PMF1: variants seen among roughly 807,000 people sequenced by gnomAD.
PMF1 encodes the protein polyamine modulated factor 1, also known as polyamine-modulated factor 1.
In PMF1, 21 loss-of-function variants were observed where a neutral mutation model predicts 26.7. The ratio of observed to expected loss-of-function variants is 0.79; its 90% CI spans 0.56 to 1.13. PMF1 has a LOEUF of 1.13. PMF1 is among the 50% of genes most tolerant of loss of function. PMF1 has a pLI of 0.00. For synonymous variants in PMF1, 105 were observed against 101.0 expected, an observed-to-expected ratio of 1.04 and a Z score of -0.24; for missense variants, 266 against 254.9, an observed-to-expected ratio of 1.04 and a Z score of -0.30.
At chr1:156,228,685 G>C (rs1386551868) in intron 1 of PMF1, among the ~76,000 whole-genome samples, 1 of 152,014 alleles carries the variant, frequency 6.6e-6, no homozygotes, top group Non-Finnish European at 1.5e-5. Context: ...GAGTAGGCTG[G>C]GTGGAGGAAC....
rs142724511 is a variant in PMF1, at chr1:156,236,414, C to T, written c.495C>T (p.Ala165=). The change falls in exon 4 of 5, where the codon GCC becomes GCT. Residue 165 remains alanine (A), a synonymous_variant. Coordinates refer to ENST00000368277, the MANE Select transcript of PMF1 (RefSeq NM_007221.4). ...CCGAGAACCAGCAGCTGGCAGATGC[C>T]GTCCTGGCAGGGCGGAGGCAGGTGG... The part of the protein sequence containing the change: ...QEAENQQLAD[A]VLAGRRQVEE... The T allele has an allele frequency of 2.7e-4, 434 of 1,614,190 alleles. No individual in the cohort carries two copies. The highest frequency in any genetic ancestry group is 1.8e-3 in the East Asian group (83 of 44,886).
At chr1:156,228,361 A>G (rs1013468324) in intron 1 of PMF1, among the ~76,000 whole-genome samples, 1 of 145,002 alleles carries the variant, frequency 6.9e-6, no homozygotes, top group African/African-American at 2.6e-5. Flanking sequence ...AACATTCCCA[A>G]TTCTGCATTG....
In PMF1 at chr1:156,239,660, T is replaced by C. The variant is rs568390767; in HGVS notation, c.*59T>C. On this transcript the variant is annotated 3_prime_UTR_variant, in exon 5 of 5. Coordinates refer to ENST00000368277, the MANE Select transcript of PMF1 (RefSeq NM_007221.4). ...AAGGTCAAGAGCCTGTGGTCCAGCATGCCTGGCCTGGGCGGGCTACCTCTG... is the reference window on the plus strand; with the variant it reads ...AAGGTCAAGAGCCTGTGGTCCAGCACGCCTGGCCTGGGCGGGCTACCTCTG... The C allele has an allele frequency of 2.1e-6, 3 of 1,443,994 alleles. No homozygotes were observed. Among genetic ancestry groups the C allele is most frequent in the East Asian group, 4.5e-5 (2 of 44,062 alleles). 89.4% of individuals were successfully genotyped at this position (1,443,994 alleles called of 1,614,324 possible). A position where few individuals can be genotyped will look rare whatever the true frequency, so the allele number is the denominator to read the frequency against.
chr1:156,233,968 C>T (rs533623983), intron 3 of PMF1, among the ~76,000 whole-genome samples: 2 of 152,118 alleles, frequency 1.3e-5, no homozygotes, highest in Admixed American at 6.5e-5. Flanking sequence ...GGAGTGGTGA[C>T]TCATGCCTGT....
At chr1:156,224,074 C>T (rs192884252) in intron 1 of PMF1, 149 of 152,206 alleles carry the variant, frequency 9.8e-4, no homozygotes, top group African/African-American at 3.4e-3. Flanking sequence ...TGAAGTTTTC[C>T]CAGCAGTTTT....
At chr1:156,216,070 G>A (rs1657680225) in intron 1 of PMF1, among the ~76,000 whole-genome samples, 1 of 152,088 alleles carries the variant, frequency 6.6e-6, no homozygotes, top group East Asian at 1.9e-4. Flanking sequence ...AATCTTCTTG[G>A]AGTAGACATT....
chr1:156,233,501 T>G, intron 2 of PMF1, 127 bp from the exon 3 acceptor site: 1 of 882,086 alleles, frequency 1.1e-6, no homozygotes, highest in Non-Finnish European at 1.7e-6. Context: ...AGTTGGAATG[T>G]CAGGGAAAGC....
intron 3 of PMF1, among the ~76,000 whole-genome samples, chr1:156,235,413 C>T (rs1023044720): frequency 1.1e-4 from 16 of 151,240 alleles, no homozygotes; most frequent in African/African-American, 2.4e-4. Flanking sequence ...CATGAGCCAC[C>T]GCGCTCAGCC....
At chr1:156,235,089 C>G (rs916086067) in intron 3 of PMF1, among the ~76,000 whole-genome samples, 33 of 151,546 alleles carry the variant, frequency 2.2e-4, no homozygotes, top group African/African-American at 7.1e-4. Flanking sequence ...GACCTTAATA[C>G]TTAAGAGAAT....
chr1:156,216,130 C>A (rs1418640869), intron 1 of PMF1, among the ~76,000 whole-genome samples: 1 of 152,054 alleles, frequency 6.6e-6, no homozygotes, highest in African/African-American at 2.4e-5. Context: ...GTGGCTCACA[C>A]CTGTAATCCC....
At chr1:156,234,033 A>T (rs1024298526) in intron 3 of PMF1, among the ~76,000 whole-genome samples, 3 of 152,148 alleles carry the variant, frequency 2.0e-5, no homozygotes, top group African/African-American at 7.2e-5. Flanking sequence ...CCAGGAGTTC[A>T]AGAGTTCAGA....
At chr1:156,222,942 A>G (rs1251217256) in intron 1 of PMF1, among the ~76,000 whole-genome samples, 1 of 152,216 alleles carries the variant, frequency 6.6e-6, no homozygotes, top group Non-Finnish European at 1.5e-5. Flanking sequence ...CCAAGAAAAG[A>G]AAGCGAATTG....
intron 1 of PMF1, chr1:156,225,585 G>T: frequency 6.4e-7 from 1 of 1,558,460 alleles, no homozygotes; most frequent in South Asian, 1.2e-5. Context: ...GGACGGAAGT[G>T]CTGGTCCCCG....
At chr1:156,223,975 G>C (rs141887510) in intron 1 of PMF1, 2 of 152,248 alleles carry the variant, frequency 1.3e-5, no homozygotes, top group East Asian at 3.9e-4. Context: ...CAATTATCCT[G>C]CTGGCATTTT....
chr1:156,225,760 A>G, intron 1 of PMF1: 2 of 535,708 alleles, frequency 3.7e-6, no homozygotes, highest in Admixed American at 3.0e-5. Context: ...GTCCTGCACA[A>G]TTTATCTGCA....
At chr1:156,215,003 G>A (rs140789359) in intron 1 of PMF1, among the ~76,000 whole-genome samples, 31 of 151,546 alleles carry the variant, frequency 2.0e-4, no homozygotes, top group Non-Finnish European at 3.2e-4. Context: ...TCAGCCTCCC[G>A]AGTAGTTGAG....
At chr1:156,222,402 G>A (rs1658133547) in intron 1 of PMF1, among the ~76,000 whole-genome samples, 1 of 151,356 alleles carries the variant, frequency 6.6e-6, no homozygotes, top group African/African-American at 2.4e-5. Context: ...TTCTTTTTGA[G>A]ATGGAGTTTC....
chr1:156,217,593 AT>A (rs1657841086), intron 1 of PMF1, among the ~76,000 whole-genome samples: 1 of 152,026 alleles, frequency 6.6e-6, no homozygotes, highest in Admixed American at 6.6e-5. Flanking sequence ...GGGTGTCATA[AT>A]GCCCACCAGT....
At chr1:156,214,541 G>A (rs764479142) in intron 1 of PMF1, among the ~76,000 whole-genome samples, 1 of 152,148 alleles carries the variant, frequency 6.6e-6, no homozygotes, top group Non-Finnish European at 1.5e-5. Flanking sequence ...CATTCAATGC[G>A]TAGAGACGCC....
Sources: allele counts gnomAD v4.1 joint callset (sites outside exome capture counted in the v4.1 genomes callset), GRCh38; gene constraint gnomAD v4.1.1; transcripts MANE v1.5; gene names NCBI Gene and HGNC (gene_info 2026-07-23, HGNC 2026-07-21).